SNAP47: variants seen among roughly 807,000 people sequenced by gnomAD.
SNAP47 encodes the protein synaptosomal-associated protein 47.
SNAP47 carries 20 observed loss-of-function variants against 31.4 expected under a neutral mutation model. The ratio of observed to expected loss-of-function variants is 0.64; its 90% CI spans 0.45 to 0.93. The LOEUF (loss-of-function observed/expected upper bound fraction) is 0.93. Among genes scored for constraint, SNAP47 ranks in the 40% least tolerant of loss-of-function variants. The pLI is 0.00. For missense variants in SNAP47, 492 were observed against 528.5 expected (o/e 0.93, Z 0.68); for synonymous variants, 194 against 213.4 (o/e 0.91, Z 0.79).
chr1:227,764,615 CA>C (rs1295605389), intron 3 of SNAP47, among the ~76,000 whole-genome samples: 1 of 151,994 alleles, frequency 6.6e-6, no homozygotes, highest in Non-Finnish European at 1.5e-5. Context: ...TAAAAAAATA[CA>C]AAAATTAAGC....
chr1:227,748,231 C>A lies in SNAP47; in HGVS notation c.495C>A (p.Asp165Glu). 1.9e-6 allele frequency: 3 copies of A among 1,575,484 alleles called. No individual in the cohort carries two copies. The highest frequency in any genetic ancestry group is 8.6e-7 in the Non-Finnish European group (1 of 1,161,072). Residue 165 changes from aspartate to glutamate, a missense_variant and splice_region_variant, in exon 2 of 5, where the codon GAC becomes GAA. By Grantham distance (45) the Asp-to-Glu change is conservative. Coordinates refer to ENST00000617596, the MANE Select transcript of SNAP47 (RefSeq NM_053052.4). ...DKMESDLEVA[D>E]RLLTELESPA... Reference sequence around the variant, plus strand: ...TGGAGTCAGACCTGGAGGTGGCGGACAGGTGGGCTTGCTGTGTACACTTTG... The same window carrying A: ...TGGAGTCAGACCTGGAGGTGGCGGAAAGGTGGGCTTGCTGTGTACACTTTG...
At chr1:227,756,462 T>A (rs1051512080) in intron 2 of SNAP47, among the ~76,000 whole-genome samples, 8 of 152,242 alleles carry the variant, frequency 5.3e-5, no homozygotes, top group African/African-American at 1.9e-4. Flanking sequence ...TAGTCACCTT[T>A]AAGAAAATCC....
In SNAP47 at chr1:227,762,344, C is replaced by T. The variant is rs1663115334; in HGVS notation, c.988+2859C>T. Among the ~76,000 whole-genome samples, 1 of 152,178 alleles carries T rather than the reference C, an allele frequency of 6.6e-6. No homozygotes were observed. Among genetic ancestry groups the T allele is most frequent in the Non-Finnish European group, 1.5e-5 (1 of 68,038 alleles). ...AGGGGTTGGAGCGTGTGGTGCCCTG[C>T]CTGGTGCTATGTTAGCAAGAAGGCG... On this transcript the variant is annotated intron_variant, in intron 3 of 4. Coordinates refer to ENST00000617596, the MANE Select transcript of SNAP47 (RefSeq NM_053052.4). This position sits in a 1 kb window ranked among gnomAD's most constrained non-coding sequence, Gnocchi z 4.2.
intron 1 of SNAP47, among the ~76,000 whole-genome samples, chr1:227,745,262 C>A (rs1014467647): frequency 6.6e-6 from 1 of 152,078 alleles, no homozygotes; most frequent in African/African-American, 2.4e-5. Flanking sequence ...ACAAGTGCAC[C>A]CAGGGCAAGG....
chr1:227,773,127 ATT>A (rs34140624), intron 4 of SNAP47, among the ~76,000 whole-genome samples: 3,150 of 102,222 alleles, frequency 0.031, 60 homozygotes, highest in African/African-American at 0.12. Flanking sequence ...CGTCCAGCTA[ATT>A]TTTTTTTTTT....
chr1:227,735,585 A>G, intron 1 of SNAP47, 86 bp downstream of exon 1: 1 of 1,336,898 alleles, frequency 7.5e-7, no homozygotes, highest in Non-Finnish European at 9.5e-7. Flanking sequence ...GCTGTGGCTG[A>G]CACAGCCCGA....
chr1:227,733,308 G>A (rs114123047), upstream of SNAP47: 1,079 of 1,262,972 alleles, frequency 8.5e-4, 7 homozygotes, highest in African/African-American at 0.013. Flanking sequence ...CCTCACCCAT[G>A]AGCCACCCCA....
At chr1:227,735,047 C>T, upstream of SNAP47, 1 of 1,555,332 alleles carries the variant, frequency 6.4e-7, no homozygotes, top group Non-Finnish European at 8.7e-7. Flanking sequence ...GTCGGGCCTC[C>T]CCGCGGGCGT....
chr1:227,771,535 T>C (rs766140151), intron 4 of SNAP47, among the ~76,000 whole-genome samples: 12 of 152,160 alleles, frequency 7.9e-5, no homozygotes, highest in Non-Finnish European at 1.5e-4. Context: ...CTCAGACTTA[T>C]GGCAGCTGAG....
chr1:227,753,885 T>G (rs567211098), intron 2 of SNAP47, among the ~76,000 whole-genome samples: 1 of 152,174 alleles, frequency 6.6e-6, no homozygotes, highest in South Asian at 2.1e-4. Context: ...GGGTGGATGT[T>G]TACTGCTCCT....
chr1:227,750,633 G>T (rs769538845), intron 2 of SNAP47, among the ~76,000 whole-genome samples: 1 of 152,112 alleles, frequency 6.6e-6, no homozygotes, highest in African/African-American at 2.4e-5. Flanking sequence ...CTGCTGAGGG[G>T]TGTCCCTGGG....
chr1:227,766,684 C>T (rs1417180770), intron 3 of SNAP47, among the ~76,000 whole-genome samples: 1 of 152,208 alleles, frequency 6.6e-6, no homozygotes, highest in African/African-American at 2.4e-5. Flanking sequence ...AAATCTTCAG[C>T]CTTTCTCAAA....
At chr1:227,776,769 C>T in intron 4 of SNAP47, 1 of 985,456 alleles carries the variant, frequency 1.0e-6, no homozygotes, top group South Asian at 4.7e-5. Context: ...AGCAGCTGTA[C>T]AGATCGCTCT....
intron 2 of SNAP47, among the ~76,000 whole-genome samples, chr1:227,751,093 C>T (rs1186234359): frequency 1.3e-5 from 2 of 152,196 alleles, no homozygotes; most frequent in East Asian, 1.9e-4. Context: ...AGAGTTCCAC[C>T]CACAGTGCCG....
At chr1:227,760,117 T>G (rs1272234960) in intron 3 of SNAP47, among the ~76,000 whole-genome samples, 1 of 152,148 alleles carries the variant, frequency 6.6e-6, no homozygotes, top group Non-Finnish European at 1.5e-5. Context: ...CAGTCTCAGG[T>G]GCTCAGTTAT....
upstream of SNAP47, chr1:227,734,724 A>C: frequency 6.2e-7 from 1 of 1,614,136 alleles, no homozygotes; most frequent in Non-Finnish European, 8.5e-7. Flanking sequence ...TACTCTTTCC[A>C]GTAGGTGATG....
In SNAP47 at chr1:227,741,209, A is replaced by G. The variant is rs947371576; in HGVS notation, c.-46+5710A>G. ...GGCTGGAGTGGGTGTTTGGGAGGCA[A>G]CGGCTTGGGGGTGATGTTGAGTTTC... On this transcript the variant is annotated intron_variant, in intron 1 of 4. Coordinates refer to ENST00000617596, the MANE Select transcript of SNAP47 (RefSeq NM_053052.4). The surrounding 1 kb of genome is among the most constrained non-coding windows in gnomAD (Gnocchi z 4.2). Among the ~76,000 whole-genome samples the G allele has an allele frequency of 2.0e-5, 3 of 152,106 alleles. No individual in the cohort carries two copies. The highest frequency in any genetic ancestry group is 4.8e-5 in the African/African-American group (2 of 41,392).
chr1:227,750,815 C>T (rs1662299575), intron 2 of SNAP47, among the ~76,000 whole-genome samples: 1 of 152,200 alleles, frequency 6.6e-6, no homozygotes, highest in East Asian at 1.9e-4. Flanking sequence ...AAACAAATGC[C>T]ATGGAGAAGG....
At chr1:227,751,758 T>G (rs1241686325) in intron 2 of SNAP47, among the ~76,000 whole-genome samples, 2 of 76,490 alleles carry the variant, frequency 2.6e-5, no homozygotes, top group East Asian at 4.4e-4. Flanking sequence ...TTTTTTTTTT[T>G]TTTTTTTTTT....
Sources: allele counts gnomAD v4.1 joint callset (sites outside exome capture counted in the v4.1 genomes callset), GRCh38; gene constraint gnomAD v4.1.1; non-coding constraint Gnocchi (gnomAD v3.1); transcripts MANE v1.5; gene names NCBI Gene and HGNC (gene_info 2026-07-23, HGNC 2026-07-21).